Variants in MAU2 observed in about 807,000 individuals in gnomAD.
MAU2 encodes MAU2 chromatid cohesion factor homolog.
In MAU2, 9 loss-of-function variants were observed where a neutral mutation model predicts 89.1. The ratio of observed to expected loss-of-function variants is 0.10; its 90% CI spans 0.06 to 0.18. The LOEUF (loss-of-function observed/expected upper bound fraction) is 0.18. Among genes scored for constraint, MAU2 ranks in the 10% least tolerant of loss-of-function variants. The pLI, the probability that MAU2 is intolerant of heterozygous loss-of-function variation, is 1.00. For synonymous variants in MAU2, 357 were observed against 343.4 expected (o/e 1.04, Z -0.44); for missense variants, 425 against 803.5 (o/e 0.53, Z 5.69).
At chr19:19,334,292 A>G in intron 1 of MAU2, 1 of 985,546 alleles carries the variant, frequency 1.0e-6, no homozygotes, top group South Asian at 4.7e-5. Flanking sequence ...CACAGGAGGC[A>G]GACGCTTGGG....
At chr19:19,351,396 A>G (rs1568667652) in intron 16 of MAU2, among the ~76,000 whole-genome samples, 1 of 152,020 alleles carries the variant, frequency 6.6e-6, no homozygotes, top group Non-Finnish European at 1.5e-5. Flanking sequence ...CCAGCCAGAC[A>G]CAGTGGCTCA....
At position 19,320,870 on chromosome 19, in the gene MAU2, A is replaced by G. The variant is rs1190126354; in HGVS notation, c.11A>G (p.Gln4Arg). 6.6e-7 allele frequency: 1 copy of G among 1,518,152 alleles called. No individual in the cohort carries two copies. Among genetic ancestry groups the G allele is most frequent in the African/African-American group, 1.4e-5 (1 of 69,834 alleles). The allele number at this position is 1,518,152 out of a possible 1,614,324, so 94.0% of individuals were successfully genotyped here. The change falls in exon 1 of 19, where the codon CAG becomes CGG. Residue 4 changes from glutamine (Q) to arginine (R), a missense_variant. Gln to Arg is a conservative substitution (Grantham distance 43). This residue lies in a region of MAU2 where 61 missense variants were observed against 40.1 expected (regional missense o/e 1.52). Coordinates refer to ENST00000262815, the MANE Select transcript of MAU2 (RefSeq NM_015329.4). MAA[Q>R]AAAAAQAAAA... ...GTTGTGGAGGCCAAAATGGCGGCTC[A>G]GGCGGCGGCAGCGGCCCAGGCGGCG... is the stretch of plus-strand genomic sequence containing the variant.
In MAU2 at chr19:19,342,724, C is replaced by A. The variant is rs375812272; in HGVS notation, c.882+43C>A. ...CCCGGGCCAGGGCTGGGGGCGGGGG[C>A]AGGGAGAGGGAGAGGGCCCTGGTAA... On this transcript the variant is annotated intron_variant, in intron 8 of 18. Transcript: ENST00000262815. 1.1e-4 allele frequency: 176 copies of A among 1,613,082 alleles called. 1 individual carries two copies. Among genetic ancestry groups the A allele is most frequent in the Non-Finnish European group, 1.1e-4 (129 of 1,179,600 alleles).
At chr19:19,349,086 G>T (rs2061720130) in intron 14 of MAU2, 69 bp from the exon 15 acceptor site, 10 of 1,584,626 alleles carry the variant, frequency 6.3e-6, no homozygotes, top group Non-Finnish European at 8.6e-6. Context: ...GCCCCCAGCT[G>T]CCCACTGCCG....
At chr19:19,343,183 C>T (rs1344594348) in intron 9 of MAU2, among the ~76,000 whole-genome samples, 1 of 152,196 alleles carries the variant, frequency 6.6e-6, no homozygotes, top group Non-Finnish European at 1.5e-5. Context: ...AGGCCAGGAT[C>T]AGAACTCAGC....
chr19:19,353,943 ACTC>A, intron 16 of MAU2: 1 of 224,710 alleles, frequency 4.5e-6, no homozygotes, highest in South Asian at 6.5e-5. Context: ...ATGAGAGCCA[ACTC>A]AATTGTGGAA....
chr19:19,327,471 G>A (rs368296491), intron 1 of MAU2, among the ~76,000 whole-genome samples: 2 of 151,944 alleles, frequency 1.3e-5, no homozygotes, highest in Non-Finnish European at 2.9e-5. Context: ...AACTACAGGC[G>A]CCTGCCACCA....
In MAU2 at chr19:19,348,085, G is replaced by T. The variant is rs371982241; in HGVS notation, c.1308+719G>T. 42 of 153,838 alleles carry T rather than the reference G, an allele frequency of 2.7e-4. No homozygotes were observed. The South Asian group carries it at 4.5e-3, about 16-fold the overall frequency. 9.5% of individuals were successfully genotyped at this position (153,838 alleles called of 1,614,324 possible). On this transcript the variant is annotated intron_variant, in intron 13 of 18. Transcript: ENST00000262815. ...GGGGGTCTACCTCCAAAGTGTATCAGGCCAGGTGCTTGGCTCACACCTGTA... is the reference window on the plus strand; with the variant it reads ...GGGGGTCTACCTCCAAAGTGTATCATGCCAGGTGCTTGGCTCACACCTGTA...
chr19:19,345,450 G>T lies in MAU2; in HGVS notation c.1221+81G>T. The T allele has an allele frequency of 7.3e-7, 1 of 1,369,552 alleles. No homozygotes were observed. The allele number at this position is 1,369,552 out of a possible 1,614,324, so 84.8% of individuals were successfully genotyped here. A position where few individuals can be genotyped will look rare whatever the true frequency, so the allele number is the denominator to read the frequency against. On this transcript the variant is annotated intron_variant, in intron 12 of 18. Transcript: ENST00000262815. This position sits in a 1 kb window ranked among gnomAD's most constrained non-coding sequence, Gnocchi z 4.9. ...TCGGGCGTGGTCTGTGATGAGGACA[G>T]CAGTCGCGCTAGGTCAGCTATGCAA...
At chr19:19,325,862 C>A (rs115303207) in intron 1 of MAU2, among the ~76,000 whole-genome samples, 1,619 of 152,328 alleles carry the variant, frequency 0.011, 26 homozygotes, top group African/African-American at 0.037. Flanking sequence ...CTCAGTGCTA[C>A]ATCCAGCTTT....
rs1180252156 is a variant in MAU2, at chr19:19,345,472, G to C, written c.1221+103G>C. ...ACAGCAGTCGCGCTAGGTCAGCTAT[G>C]CAAAGCCGCAGCCCCAGAGGCAATG... On this transcript the variant is annotated intron_variant, in intron 12 of 18. Coordinates refer to ENST00000262815, the MANE Select transcript of MAU2 (RefSeq NM_015329.4). This position sits in a 1 kb window ranked among gnomAD's most constrained non-coding sequence, Gnocchi z 4.9. 1 of 1,108,652 alleles carries C rather than the reference G, an allele frequency of 9.0e-7. No individual in the cohort carries two copies. The highest frequency in any genetic ancestry group is 1.4e-6 in the Non-Finnish European group (1 of 740,460). 68.7% of individuals were successfully genotyped at this position (1,108,652 alleles called of 1,614,324 possible).
intron 9 of MAU2, 76 bp from the exon 10 acceptor site, chr19:19,343,761 G>A (rs1262990708): frequency 9.2e-7 from 1 of 1,088,306 alleles, no homozygotes; most frequent in Non-Finnish European, 1.4e-6. Flanking sequence ...ACAGGAACGA[G>A]GTGGGGGCAC....
At chr19:19,347,543 G>T in intron 13 of MAU2, 177 bp downstream of exon 13, 1 of 578,380 alleles carries the variant, frequency 1.7e-6, no homozygotes, top group South Asian at 2.2e-5. Flanking sequence ...TCGGGCTATG[G>T]CCGGGGGAGG....
chr19:19,322,220 C>T (rs2061465520), intron 1 of MAU2, among the ~76,000 whole-genome samples: 1 of 152,094 alleles, frequency 6.6e-6, no homozygotes, highest in Admixed American at 6.6e-5. Flanking sequence ...GGGTGGTCTC[C>T]ATCTCCTGAC....
chr19:19,332,746 C>T (rs886976582), intron 1 of MAU2, among the ~76,000 whole-genome samples: 2 of 152,102 alleles, frequency 1.3e-5, no homozygotes, highest in Non-Finnish European at 2.9e-5. Context: ...GGCAGAGAGG[C>T]GAGCCCGTTA....
At chr19:19,325,775 C>CG (rs766256943) in intron 1 of MAU2, among the ~76,000 whole-genome samples, 15 of 152,186 alleles carry the variant, frequency 9.9e-5, no homozygotes, top group Non-Finnish European at 2.1e-4. Flanking sequence ...CCACACCCGG[C>CG]ATCTCTCTGC....
intron 1 of MAU2, among the ~76,000 whole-genome samples, chr19:19,334,832 A>G (rs2061583584): frequency 6.6e-6 from 1 of 151,946 alleles, no homozygotes; most frequent in Non-Finnish European, 1.5e-5. Context: ...CTTGCCACAC[A>G]TGCTGCCCTG....
chr19:19,354,809 A>C (rs543841290), intron 17 of MAU2, among the ~76,000 whole-genome samples: 13 of 152,264 alleles, frequency 8.5e-5, no homozygotes, highest in African/African-American at 2.6e-4. Flanking sequence ...CAGGGCGGGC[A>C]CTCAGCGGGT....
At chr19:19,349,539 A>C (rs1226628628) in intron 16 of MAU2, 103 bp downstream of exon 16, 7 of 1,002,840 alleles carry the variant, frequency 7.0e-6, no homozygotes, top group Non-Finnish European at 1.1e-5. Flanking sequence ...TGTTCATCCT[A>C]TGCCCCTCGA....
Sources: gnomAD v4.1 joint callset for allele counts (sites outside exome capture counted in the v4.1 genomes callset) on GRCh38, gnomAD v4.1.1 for gene constraint, gnomAD v4.1.1 regional missense constraint, Gnocchi (gnomAD v3.1) non-coding constraint, MANE v1.5 for transcripts, NCBI Gene and HGNC (gene_info 2026-07-23, HGNC 2026-07-21) for gene names.